AIG1: variants seen among roughly 807,000 people sequenced by gnomAD.
AIG1 encodes the protein androgen induced 1, also known as androgen-induced gene 1 protein.
Under a neutral mutation model 31.4 loss-of-function variants are expected in AIG1, and 23 were observed. That is an observed-to-expected ratio of 0.73 (90% confidence interval 0.53 to 1.04). The LOEUF (loss-of-function observed/expected upper bound fraction) is 1.04, where lower values mean the gene tolerates loss of function less well. Ranked by LOEUF, AIG1 falls within the 50% of genes least tolerant of loss-of-function variation. The pLI is 0.00. For synonymous variants in AIG1, 100 were observed against 110.5 expected, an observed-to-expected ratio of 0.90 and a Z score of 0.60; for missense variants, 274 against 295.0, an observed-to-expected ratio of 0.93 and a Z score of 0.52.
chr6:143,235,364 A>G (rs1343102354), intron 3 of AIG1, among the ~76,000 whole-genome samples: 3 of 152,220 alleles, frequency 2.0e-5, no homozygotes, highest in Non-Finnish European at 4.4e-5. Context: ...AAGGAAAAAC[A>G]TCTGAAATTT....
intron 3 of AIG1, among the ~76,000 whole-genome samples, chr6:143,282,090 T>C (rs1361154229): frequency 6.6e-6 from 1 of 152,216 alleles, no homozygotes. Context: ...CTTTCCTTGA[T>C]AAAATAATGA....
chr6:143,165,066 T>C lies in AIG1; in HGVS notation c.298-16T>C. The C allele has an allele frequency of 6.4e-7, 1 of 1,563,014 alleles. No homozygotes were observed. The highest frequency in any genetic ancestry group is 8.8e-7 in the Non-Finnish European group (1 of 1,135,440). On this transcript the variant is annotated splice_polypyrimidine_tract_variant and intron_variant, in intron 2 of 5. Coordinates refer to ENST00000357847, the MANE Select transcript of AIG1 (RefSeq NM_016108.4). ...AGTCGATGAACTTGAAATAAAAGAT[T>C]TCTTTTTCCTTCCAGTTTGTTGTAG...
chr6:143,120,134 A>G (rs918564568), intron 1 of AIG1, among the ~76,000 whole-genome samples: 1 of 152,010 alleles, frequency 6.6e-6, no homozygotes, highest in Non-Finnish European at 1.5e-5. Context: ...GGGTCTCTCC[A>G]TATTGGTCAG....
At chr6:143,339,537 G>A in intron 5 of AIG1, 102 bp from the exon 6 acceptor site, 2 of 1,195,474 alleles carry the variant, frequency 1.7e-6, no homozygotes, top group Non-Finnish European at 2.4e-6. Context: ...GAGAAGTGAG[G>A]GCAGATGAGT....
chr6:143,321,819 C>T (rs138812384), intron 4 of AIG1, among the ~76,000 whole-genome samples: 161 of 152,144 alleles, frequency 1.1e-3, no homozygotes, highest in African/African-American at 3.6e-3. Flanking sequence ...CCTGACACCA[C>T]CACCCTTCCC....
chr6:143,144,632 C>A (rs1157846203), intron 2 of AIG1, among the ~76,000 whole-genome samples: 2 of 152,180 alleles, frequency 1.3e-5, no homozygotes, highest in Admixed American at 1.3e-4. Context: ...CAGAAATCCA[C>A]CTGGCTCACT....
At chr6:143,102,842 C>T (rs1316328433) in intron 1 of AIG1, among the ~76,000 whole-genome samples, 1 of 151,974 alleles carries the variant, frequency 6.6e-6, no homozygotes, top group Non-Finnish European at 1.5e-5. Context: ...CATGTATTTC[C>T]ATGTCAAGCC....
downstream of AIG1, chr6:143,342,687 A>C (rs1777880894): frequency 8.2e-7 from 1 of 1,212,860 alleles, no homozygotes; most frequent in Non-Finnish European, 1.2e-6. Flanking sequence ...AGACCACAAA[A>C]AGAAGGAGAC....
At chr6:143,183,928 A>C (rs1442888420) in intron 3 of AIG1, among the ~76,000 whole-genome samples, 1 of 152,198 alleles carries the variant, frequency 6.6e-6, no homozygotes, top group Non-Finnish European at 1.5e-5. Context: ...TCTTGGCAGA[A>C]GTCCATACCT....
intron 3 of AIG1, chr6:143,190,213 A>G (rs1789663359): frequency 1.0e-6 from 1 of 985,380 alleles, no homozygotes; most frequent in Admixed American, 6.1e-5. Context: ...GGAAAGTACA[A>G]CAAAGAACAT....
intron 4 of AIG1, among the ~76,000 whole-genome samples, chr6:143,332,294 T>G (rs1408538535): frequency 6.6e-6 from 1 of 152,210 alleles, no homozygotes; most frequent in East Asian, 1.9e-4. Flanking sequence ...CTGTATTTTA[T>G]TTAGTCTTCA....
At chr6:143,303,161 C>A (rs1798955644) in intron 4 of AIG1, among the ~76,000 whole-genome samples, 1 of 151,662 alleles carries the variant, frequency 6.6e-6, no homozygotes, top group South Asian at 2.1e-4. Flanking sequence ...AAAATTTTCT[C>A]CCATTTTGTA....
intron 3 of AIG1, among the ~76,000 whole-genome samples, chr6:143,246,319 A>G (rs1794620767): frequency 1.3e-5 from 2 of 152,090 alleles, no homozygotes; most frequent in South Asian, 4.1e-4. Context: ...CGTGGCTAGG[A>G]AGGCCTCACA....
chr6:143,214,003 T>C (rs1240850619), intron 3 of AIG1, among the ~76,000 whole-genome samples: 1 of 152,236 alleles, frequency 6.6e-6, no homozygotes, highest in Non-Finnish European at 1.5e-5. Flanking sequence ...AGATCTTTCA[T>C]GAGTTTCTGA....
rs1777358791 is a variant in AIG1, at chr6:143,334,942, G to A, written c.679+1497G>A. On this transcript the variant is annotated intron_variant, in intron 5 of 5. Coordinates refer to ENST00000357847, the MANE Select transcript of AIG1 (RefSeq NM_016108.4). This position sits in a 1 kb window ranked among gnomAD's most constrained non-coding sequence, Gnocchi z 5.1. ...CTGCTTTTTAGCAGCTTTGAATGAG[G>A]AGTTAAAAATGAATAATGAAATTAA... 2 of 577,766 alleles carry A rather than the reference G, an allele frequency of 3.5e-6. No homozygotes were observed. Among genetic ancestry groups the A allele is most frequent in the African/African-American group, 3.9e-5 (2 of 51,868 alleles). 35.8% of individuals were successfully genotyped at this position (577,766 alleles called of 1,614,324 possible). A position where few individuals can be genotyped will look rare whatever the true frequency, so the allele number is the denominator to read the frequency against.
chr6:143,096,262 A>G (rs1027540052), intron 1 of AIG1, among the ~76,000 whole-genome samples: 2 of 152,206 alleles, frequency 1.3e-5, no homozygotes, highest in African/African-American at 4.8e-5. Context: ...TAATCTGGCC[A>G]GATATTTCCT....
chr6:143,069,863 G>A (rs1477955331), intron 1 of AIG1, among the ~76,000 whole-genome samples: 1 of 151,988 alleles, frequency 6.6e-6, no homozygotes, highest in Non-Finnish European at 1.5e-5. Flanking sequence ...AAAGTTTTAG[G>A]TTTTACATTT....
intron 1 of AIG1, among the ~76,000 whole-genome samples, chr6:143,135,895 T>A (rs1361052847): frequency 3.9e-5 from 6 of 152,200 alleles, no homozygotes; most frequent in East Asian, 1.9e-4. Context: ...GCCAGAAAAA[T>A]TTTCCTGAAT....
chr6:143,311,187 C>T (rs1775245309), intron 4 of AIG1, among the ~76,000 whole-genome samples: 1 of 151,728 alleles, frequency 6.6e-6, no homozygotes, highest in South Asian at 2.1e-4. Context: ...AACATAGATG[C>T]AAAAAATCCT....
Sources: gnomAD v4.1 joint callset for allele counts (sites outside exome capture counted in the v4.1 genomes callset) on GRCh38, gnomAD v4.1.1 for gene constraint, Gnocchi (gnomAD v3.1) non-coding constraint, MANE v1.5 for transcripts, NCBI Gene and HGNC (gene_info 2026-07-23, HGNC 2026-07-21) for gene names.